The following HDHD5 variants were observed in gnomAD, a reference collection of about 807,000 sequenced individuals.
HDHD5 encodes the protein haloacid dehalogenase-like hydrolase domain-containing 5.
A neutral mutation model predicts 35.5 loss-of-function variants in HDHD5; 34 were observed. The ratio of observed to expected loss-of-function variants is 0.96; its 90% CI spans 0.73 to 1.28. The LOEUF is 1.28. Ranked by LOEUF, HDHD5 falls within the 50% of genes most tolerant of loss-of-function variation. The pLI is 0.00. For missense variants in HDHD5, 589 were observed against 560.2 expected (o/e 1.05, Z -0.52); for synonymous variants, 248 against 240.6 (o/e 1.03, Z -0.29).
chr22:17,147,737 G>C (rs2061681320), intron 3 of HDHD5, among the ~76,000 whole-genome samples: 1 of 144,220 alleles, frequency 6.9e-6, no homozygotes, highest in African/African-American at 2.6e-5. Flanking sequence ...CCTCCTGTGA[G>C]CTTACCGGCC....
chr22:17,138,170 C>T lies in HDHD5; in HGVS notation c.1123G>A (p.Glu375Lys), dbSNP rs1394164925. 1 of 1,614,188 alleles carries T rather than the reference C, an allele frequency of 6.2e-7. No individual in the cohort carries two copies. Among genetic ancestry groups the T allele is most frequent in the Non-Finnish European group, 8.5e-7 (1 of 1,180,044 alleles). ...VYNPRNPQST[E>K]PVLGGGEPPF... ...GGCTCCCCTCCTCCAAGGACAGGCT[C>T]CGTGGACTGTGGGTTCCTGGGATTG... The change falls in exon 8 of 8, where the codon GAG (glutamate) becomes AAG (lysine). Residue 375 changes from glutamate (E) to lysine (K), a missense_variant. By Grantham distance (56) the Glu-to-Lys change is moderately conservative (BLOSUM62 1). Coordinates refer to ENST00000336737, the MANE Select transcript of HDHD5 (RefSeq NM_033070.3).
chr22:17,156,109 G>A (rs535891841), intron 1 of HDHD5, among the ~76,000 whole-genome samples: 1 of 151,982 alleles, frequency 6.6e-6, no homozygotes, highest in South Asian at 2.1e-4. Flanking sequence ...GACACCTCAA[G>A]AGCCTCAGAG....
Position 17,149,749 on chromosome 22 carries a change from C to G in HDHD5, c.127-4G>C. 1 of 1,613,674 alleles carries G rather than the reference C, an allele frequency of 6.2e-7. No homozygotes were observed. Among genetic ancestry groups the G allele is most frequent in the South Asian group, 1.1e-5 (1 of 91,060 alleles). ...GGAACCCAAAGGTGGGTGGGCTCTG[C>G]AGAGATGGTAAGATAATTACCAGTA... On this transcript the variant is annotated splice_polypyrimidine_tract_variant and splice_region_variant and intron_variant, in intron 1 of 7. Transcript: ENST00000336737.
At chr22:17,163,706 C>A (rs755456812), upstream of HDHD5, among the ~76,000 whole-genome samples, 1 of 152,206 alleles carries the variant, frequency 6.6e-6, no homozygotes, top group Non-Finnish European at 1.5e-5. Context: ...GCCCAAACCC[C>A]ATAAAACAGC....
chr22:17,157,074 T>TCACACACACACACACACACACACACACA (rs1388907001), intron 1 of HDHD5, among the ~76,000 whole-genome samples: 2 of 52,846 alleles, frequency 3.8e-5, no homozygotes, highest in Admixed American at 4.2e-4. Flanking sequence ...CTAGACACCG[T>TCACACACACACACACACACACACACACA]CTCACACACA....
upstream of HDHD5, among the ~76,000 whole-genome samples, chr22:17,164,107 G>A (rs2061878249): frequency 6.6e-6 from 1 of 152,006 alleles, no homozygotes; most frequent in African/African-American, 2.4e-5. Context: ...TGTAATCCCA[G>A]CTACTCGGTA....
At chr22:17,163,980 G>GGAGGT (rs2061877630), upstream of HDHD5, among the ~76,000 whole-genome samples, 1 of 152,164 alleles carries the variant, frequency 6.6e-6, no homozygotes, top group Non-Finnish European at 1.5e-5. Flanking sequence ...CAGCACTTTG[G>GGAGGT]GAGGTGGAGG....
intron 1 of HDHD5, among the ~76,000 whole-genome samples, chr22:17,150,522 CTT>C (rs3053235): frequency 6.3e-5 from 9 of 141,908 alleles, no homozygotes; most frequent in Admixed American, 7.1e-5. Context: ...TCTTGGCTGT[CTT>C]TTTTTTTTTT....
At chr22:17,161,245 C>CAAA (rs574657476), upstream of HDHD5, among the ~76,000 whole-genome samples, 91 of 105,330 alleles carry the variant, frequency 8.6e-4, 1 homozygote, top group African/African-American at 3.1e-3. Flanking sequence ...GACTCTATCT[C>CAAA]AAAAAAAAAA....
In HDHD5 at chr22:17,141,206, C is replaced by G; in HGVS notation, c.599G>C (p.Arg200Pro). The G allele has an allele frequency of 1.3e-6, 2 of 1,596,528 alleles. No homozygotes were observed. The highest frequency in any genetic ancestry group is 1.7e-6 in the Non-Finnish European group (2 of 1,172,280). Residue 200 changes from arginine (R) to proline (P), a missense_variant, in exon 6 of 8, where the codon CGC (arginine) becomes CCC (proline). Coordinates refer to ENST00000336737, the MANE Select transcript of HDHD5 (RefSeq NM_033070.3). ...GATCAGCTGCAGGCTGGTCTCCCAG[C>G]GGACCGGCTCCCCTAGGAGGAGCAC... The part of the protein sequence containing the change: ...EGVLLLGEPV[R>P]WETSLQLIMD...
chr22:17,141,333 C>CG (rs2061599560), intron 5 of HDHD5, 100 bp from the exon 6 acceptor site: 3 of 1,465,524 alleles, frequency 2.0e-6, no homozygotes, highest in Non-Finnish European at 2.7e-6. Context: ...GCCCTCCACC[C>CG]ATGGTGCACC....
rs766430183 is a variant in HDHD5, at chr22:17,138,533, G to T, written c.935+17C>A. On this transcript the variant is annotated intron_variant, in intron 7 of 7. Transcript: ENST00000336737. ...GGGATGTCATAAAAGGGACAAAGGA[G>T]GGAGAGCAGAGCCTACCCCACAGCA... 4 of 1,610,858 alleles carry T rather than the reference G, an allele frequency of 2.5e-6. No homozygotes were observed. The highest frequency in any genetic ancestry group is 3.4e-6 in the Non-Finnish European group (4 of 1,177,990).
rs1019379239 is a variant in HDHD5 at position 17,148,535 on chromosome 22, G to A, written c.356C>T (p.Ser119Phe). Residue 119 changes from serine (S) to phenylalanine (F), a missense_variant, in exon 3 of 8, where the codon TCT (serine) becomes TTT (phenylalanine). By Grantham distance (155) the Ser-to-Phe change is radical. Coordinates refer to ENST00000336737, the MANE Select transcript of HDHD5 (RefSeq NM_033070.3). ...CEVDADQVIL[S>F]HSPMKLFSEY... ...GGAGAAGAGCTTCATGGGGCTGTGA[G>A]AGAGGATAACTTGGTCTGCATCCAC... The A allele has an allele frequency of 2.5e-6, 4 of 1,614,060 alleles. No individual in the cohort carries two copies. The African/African-American group carries it at 4.0e-5, about 16-fold the overall frequency.
intron 3 of HDHD5, among the ~76,000 whole-genome samples, chr22:17,145,399 G>C (rs2061650880): frequency 6.6e-6 from 1 of 152,234 alleles, no homozygotes; most frequent in Non-Finnish European, 1.5e-5. Context: ...AGGGGGCAAA[G>C]GCACATAAGA....
At chr22:17,161,886 G>GA (rs71200232), upstream of HDHD5, among the ~76,000 whole-genome samples, 171 of 137,994 alleles carry the variant, frequency 1.2e-3, no homozygotes, top group Middle Eastern at 3.8e-3. Flanking sequence ...AAAAAAAAAA[G>GA]AAAAAAAAAA....
At chr22:17,162,102 A>AT (rs574770007), upstream of HDHD5, among the ~76,000 whole-genome samples, 61 of 152,300 alleles carry the variant, frequency 4.0e-4, no homozygotes, top group African/African-American at 1.5e-3. Context: ...TGGTGAGGCC[A>AT]TTCAAGCAGC....
chr22:17,144,773 A>G (rs1249501726), intron 4 of HDHD5, among the ~76,000 whole-genome samples: 1 of 151,404 alleles, frequency 6.6e-6, no homozygotes, highest in Non-Finnish European at 1.5e-5. Context: ...CTGGTCTTGA[A>G]CTCCTGGGCT....
upstream of HDHD5, chr22:17,159,517 G>T: frequency 2.1e-6 from 1 of 468,850 alleles, no homozygotes; most frequent in African/African-American, 2.0e-5. Context: ...CTGGGCGGCG[G>T]CGTCCGTACT....
chr22:17,152,424 A>AG (rs2061737178), intron 1 of HDHD5, among the ~76,000 whole-genome samples: 1 of 152,132 alleles, frequency 6.6e-6, no homozygotes, highest in Non-Finnish European at 1.5e-5. Flanking sequence ...ATCCAGATAC[A>AG]GGGGTGGAGG....
Sources: gnomAD v4.1 joint callset for allele counts (sites outside exome capture counted in the v4.1 genomes callset) on GRCh38, gnomAD v4.1.1 for gene constraint, MANE v1.5 for transcripts, NCBI Gene and HGNC (gene_info 2026-07-23, HGNC 2026-07-21) for gene names.